PCDHA12: variants seen among roughly 807,000 people sequenced by gnomAD.
The protein encoded by PCDHA12 is protocadherin alpha-12.
Under a neutral mutation model 60.0 loss-of-function variants are expected in PCDHA12, and 44 were observed. That is an observed-to-expected ratio of 0.73 (90% confidence interval 0.58 to 0.94). The LOEUF is 0.94. PCDHA12 is among the 40% of genes least tolerant of loss of function. PCDHA12 has a pLI of 0.00. For synonymous variants in PCDHA12, 569 were observed against 553.0 expected (o/e 1.03, Z -0.40); for missense variants, 1,276 against 1,239.7 (o/e 1.03, Z -0.44).
At chr5:140,882,868 G>T in intron 1 of PCDHA12, 1 of 1,614,184 alleles carries the variant, frequency 6.2e-7, no homozygotes, top group Non-Finnish European at 8.5e-7. Context: ...GGAAAACACT[G>T]GACAGAGAGG....
chr5:140,972,398 A>G (rs2096535021), intron 1 of PCDHA12, among the ~76,000 whole-genome samples: 1 of 151,358 alleles, frequency 6.6e-6, no homozygotes, highest in Non-Finnish European at 1.5e-5. Flanking sequence ...TTGCTTCACT[A>G]TTGGCAAACC....
intron 1 of PCDHA12, among the ~76,000 whole-genome samples, chr5:140,950,594 G>C (rs1469063256): frequency 6.6e-6 from 1 of 152,040 alleles, no homozygotes; most frequent in African/African-American, 2.4e-5. Flanking sequence ...TGGTTTAGAA[G>C]TTTGACTATG....
intron 1 of PCDHA12, chr5:140,882,876 A>G (rs1554175925): frequency 6.2e-7 from 1 of 1,614,238 alleles, no homozygotes. Flanking sequence ...CTGGACAGAG[A>G]GGAAATTCAG....
intron 1 of PCDHA12, chr5:140,927,930 G>A (rs782236455): frequency 1.9e-5 from 30 of 1,614,062 alleles, no homozygotes; most frequent in Admixed American, 5.0e-5. Flanking sequence ...TGACTCTTTC[G>A]AACCCAGTAC....
At chr5:140,997,762 A>G (rs2097784598) in intron 3 of PCDHA12, among the ~76,000 whole-genome samples, 1 of 152,118 alleles carries the variant, frequency 6.6e-6, no homozygotes, top group Non-Finnish European at 1.5e-5. Context: ...GAGTAAGGAT[A>G]TAGCACTATG....
At chr5:140,925,217 G>T (rs1217593393) in intron 1 of PCDHA12, among the ~76,000 whole-genome samples, 1 of 152,154 alleles carries the variant, frequency 6.6e-6, no homozygotes, top group Non-Finnish European at 1.5e-5. Flanking sequence ...ATACTTTTAG[G>T]CAGGTTTCTA....
chr5:140,945,322 T>C (rs1311724084), intron 1 of PCDHA12, among the ~76,000 whole-genome samples: 9 of 152,096 alleles, frequency 5.9e-5, no homozygotes, highest in Admixed American at 5.2e-4. Context: ...AATGGAAATA[T>C]ATTTTATGTT....
chr5:140,962,870 T>C (rs558640798), intron 1 of PCDHA12, among the ~76,000 whole-genome samples: 1 of 152,306 alleles, frequency 6.6e-6, no homozygotes, highest in Admixed American at 6.5e-5. Context: ...TAGAGCAACA[T>C]AAATACATGA....
At chr5:140,976,486 G>T (rs782708902) in intron 1 of PCDHA12, among the ~76,000 whole-genome samples, 1 of 152,078 alleles carries the variant, frequency 6.6e-6, no homozygotes, top group Non-Finnish European at 1.5e-5. Context: ...GGGAGGCAGA[G>T]GTTGCAGGGA....
chr5:140,883,649 A>T, intron 1 of PCDHA12: 1 of 1,613,516 alleles, frequency 6.2e-7, no homozygotes, highest in South Asian at 1.1e-5. Context: ...GCCCGAGTAC[A>T]CGGTGTTCGT....
At chr5:140,965,128 A>G (rs2095876420) in intron 1 of PCDHA12, among the ~76,000 whole-genome samples, 1 of 152,244 alleles carries the variant, frequency 6.6e-6, no homozygotes, top group African/African-American at 2.4e-5. Flanking sequence ...AGATCTACAG[A>G]TGACAGAATA....
In PCDHA12 at chr5:140,876,831, T is replaced by G. The variant is rs201991889; in HGVS notation, c.1359T>G (p.Pro453=). Reference sequence around the variant, plus strand: ...TGGCCGACGTGAACGACAATGCGCCTGCGTTCGCGCAGCCCGAGTACACAG... The same window carrying G: ...TGGCCGACGTGAACGACAATGCGCCGGCGTTCGCGCAGCCCGAGTACACAG... ...VEVADVNDNA[P]AFAQPEYTVF... The change falls in exon 1 of 4, where the codon CCT becomes CCG. Residue 453 remains proline (P), a synonymous_variant. Coordinates refer to ENST00000398631, the MANE Select transcript of PCDHA12 (RefSeq NM_018903.4). 1.5e-4 allele frequency: 250 copies of G among 1,614,080 alleles called. 4 individuals are homozygous for G. In the East Asian group the frequency reaches 3.4e-3, roughly 22 times the overall value.
At chr5:140,893,204 G>A (rs1207669882) in intron 1 of PCDHA12, among the ~76,000 whole-genome samples, 1 of 152,244 alleles carries the variant, frequency 6.6e-6, no homozygotes, top group African/African-American at 2.4e-5. Context: ...GCTGCAGTAA[G>A]TATGGGAGGT....
intron 1 of PCDHA12, among the ~76,000 whole-genome samples, chr5:140,881,750 C>T (rs1161973911): frequency 6.6e-6 from 1 of 152,092 alleles, no homozygotes; most frequent in Non-Finnish European, 1.5e-5. Flanking sequence ...AGGACAGTAC[C>T]ACAAAAACCT....
chr5:140,980,857 T>C (rs2153822974), intron 2 of PCDHA12, among the ~76,000 whole-genome samples: 1 of 152,334 alleles, frequency 6.6e-6, no homozygotes. Flanking sequence ...ATCTTTTTCG[T>C]ATGTGTGCTT....
At chr5:140,978,904 A>G (rs2096828000) in intron 1 of PCDHA12, 45 bp from the exon 2 acceptor site, 2 of 1,613,322 alleles carry the variant, frequency 1.2e-6, no homozygotes, top group Non-Finnish European at 8.5e-7. Flanking sequence ...CTGGGAGAAC[A>G]TTGTCTTGTC....
intron 1 of PCDHA12, among the ~76,000 whole-genome samples, chr5:140,934,086 G>C (rs540895208): frequency 1.3e-5 from 2 of 151,872 alleles, no homozygotes; most frequent in Admixed American, 1.3e-4. Context: ...TCGCTTTGTT[G>C]TATGTTTGCT....
chr5:140,931,579 A>G (rs1464146269), intron 1 of PCDHA12, among the ~76,000 whole-genome samples: 2 of 152,102 alleles, frequency 1.3e-5, no homozygotes, highest in Non-Finnish European at 2.9e-5. Flanking sequence ...CCATTCATTC[A>G]GTTGAACAGT....
intron 1 of PCDHA12, among the ~76,000 whole-genome samples, chr5:140,963,536 T>G (rs2095772178): frequency 6.6e-6 from 1 of 152,230 alleles, no homozygotes; most frequent in African/African-American, 2.4e-5. Flanking sequence ...TCCCATTTAC[T>G]TCATGATATA....
Sources: allele counts gnomAD v4.1 joint callset (sites outside exome capture counted in the v4.1 genomes callset), GRCh38; gene constraint gnomAD v4.1.1; transcripts MANE v1.5; gene names NCBI Gene and HGNC (gene_info 2026-07-23, HGNC 2026-07-21).